SIGLEC11: variants seen among roughly 807,000 people sequenced by gnomAD.
SIGLEC11 encodes the protein sialic acid binding Ig like lectin 11.
Under a neutral mutation model 61.2 loss-of-function variants are expected in SIGLEC11, and 47 were observed. The observed-to-expected ratio is 0.77, with a 90% confidence interval of 0.61 to 0.98. The LOEUF (loss-of-function observed/expected upper bound fraction) is 0.98. Among genes scored for constraint, SIGLEC11 ranks in the 50% least tolerant of loss-of-function variants. SIGLEC11 has a pLI of 0.00. For synonymous variants in SIGLEC11, 278 were observed against 373.1 expected (o/e 0.75, Z 2.94); for missense variants, 610 against 870.3 (o/e 0.70, Z 3.76).
rs201076601 is a variant in SIGLEC11, at chr19:49,958,716, G to C, written c.1290C>G (p.His430Gln). The C allele has an allele frequency of 2.5e-6, 4 of 1,613,374 alleles. No homozygotes were observed. The highest frequency in any genetic ancestry group is 2.2e-5 in the East Asian group (1 of 44,884). The change falls in exon 7 of 11, where the codon CAC (histidine) becomes CAG (glutamine). Residue 430 changes from histidine (H) to glutamine (Q), a missense_variant. Coordinates refer to ENST00000447370, the MANE Select transcript of SIGLEC11 (RefSeq NM_052884.3). Reference sequence around the variant, plus strand: ...GAGCGTGGCAGGTGAACTCTCCTTCGTGCTCCATTTGAATGGGTGGCAGCT... The same window carrying C: ...GAGCGTGGCAGGTGAACTCTCCTTCCTGCTCCATTTGAATGGGTGGCAGCT... ...VLELPPIQMEHEGEFTCHAQH... is the reference protein window; with the variant it reads ...VLELPPIQMEQEGEFTCHAQH...
chr19:49,950,665 C>T (rs1198677788), intron 10 of SIGLEC11, among the ~76,000 whole-genome samples: 1 of 152,162 alleles, frequency 6.6e-6, no homozygotes, highest in Non-Finnish European at 1.5e-5. Context: ...CTGTGCCAGC[C>T]CCTGGATATT....
At position 49,954,200 on chromosome 19, in the gene SIGLEC11, T is replaced by G. The variant is rs528117059; in HGVS notation, c.1652-1806A>C. 3.0e-3 allele frequency among the ~76,000 whole-genome samples: 455 copies of G among 152,032 alleles called. 2 individuals carry two copies. The highest frequency in any genetic ancestry group is 9.6e-3 in the African/African-American group (397 of 41,442). ...AGCAGCTTCACCGACTGACACGAAG[T>G]TAAAAGAAAAACCCCAGAAAGAGCA... On this transcript the variant is annotated intron_variant, in intron 8 of 10. Coordinates refer to ENST00000447370, the MANE Select transcript of SIGLEC11 (RefSeq NM_052884.3).
intron 8 of SIGLEC11, among the ~76,000 whole-genome samples, chr19:49,956,844 T>C (rs1042783403): frequency 2.6e-5 from 4 of 151,882 alleles, no homozygotes; most frequent in Non-Finnish European, 4.4e-5. Flanking sequence ...AAGAATGTTA[T>C]CTATCAGAAC....
chr19:49,958,716 G>A lies in SIGLEC11; in HGVS notation c.1290C>T (p.His430=), dbSNP rs201076601. 51 of 1,613,492 alleles carry A rather than the reference G, an allele frequency of 3.2e-5. No individual in the cohort carries two copies. Among genetic ancestry groups the A allele is most frequent in the East Asian group, 6.7e-5 (3 of 44,872 alleles). The change falls in exon 7 of 11, where the codon CAC becomes CAT. Residue 430 remains histidine, a synonymous_variant. Coordinates refer to ENST00000447370, the MANE Select transcript of SIGLEC11 (RefSeq NM_052884.3). ...VLELPPIQME[H]EGEFTCHAQH... ...GAGCGTGGCAGGTGAACTCTCCTTC[G>A]TGCTCCATTTGAATGGGTGGCAGCT... is the stretch of plus-strand genomic sequence containing the variant.
In SIGLEC11 at chr19:49,950,050, T is replaced by A. The variant is rs774652463; in HGVS notation, c.2017A>T (p.Ile673Phe). The A allele has an allele frequency of 6.2e-7, 1 of 1,604,370 alleles. No individual in the cohort carries two copies. The highest frequency in any genetic ancestry group is 1.1e-5 in the South Asian group (1 of 90,128). Residue 673 changes from isoleucine (I) to phenylalanine (F), a missense_variant, in exon 11 of 11, where the codon ATC becomes TTC. Coordinates refer to ENST00000447370, the MANE Select transcript of SIGLEC11 (RefSeq NM_052884.3). ...PSTTEYSEIK[I>F]HTGQPLRGPG... Reference sequence around the variant, plus strand: ...CCCCTCAGGGGCTGTCCTGTGTGGATCTTGATCTCCGAGTACTCGGTGGTG... The same window carrying A: ...CCCCTCAGGGGCTGTCCTGTGTGGAACTTGATCTCCGAGTACTCGGTGGTG...
Position 49,959,064 on chromosome 19 carries a change from G to T in SIGLEC11, c.1071C>A (p.Asn357Lys). 1 of 1,613,848 alleles carries T rather than the reference G, an allele frequency of 6.2e-7. No individual in the cohort carries two copies. The highest frequency in any genetic ancestry group is 8.5e-7 in the Non-Finnish European group (1 of 1,179,820). ...TTGCTTGGGAAACCATCACTCTCAG[G>T]TTCTCTGGAGGATCTGAAATGGAGA... is the stretch of plus-strand genomic sequence containing the variant. ...LDLSVQYPPE[N>K]LRVMVSQANR... Residue 357 changes from asparagine to lysine, a missense_variant, in exon 6 of 11, where the codon AAC becomes AAA. Transcript: ENST00000447370.
rs747319499 is a variant in SIGLEC11, at chr19:49,958,913, G to A, written c.1106-13C>T. On this transcript the variant is annotated splice_polypyrimidine_tract_variant and intron_variant, in intron 6 of 10. Coordinates refer to ENST00000447370, the MANE Select transcript of SIGLEC11 (RefSeq NM_052884.3). Reference sequence around the variant, plus strand: ...AGGTTTTCCAGGACTAGGGAAGGAAGAGGCAGAATCGACGTGCAGCTCAGG... The same window carrying A: ...AGGTTTTCCAGGACTAGGGAAGGAAAAGGCAGAATCGACGTGCAGCTCAGG... 3.1e-6 allele frequency: 5 copies of A among 1,603,402 alleles called. No individual in the cohort carries two copies. The South Asian group carries it at 5.6e-5, about 18-fold the overall frequency.
In SIGLEC11 at chr19:49,955,693, G is replaced by C. The variant is rs1256728493; in HGVS notation, c.1651+2590C>G. ...CTCACACCTGTAATCCCAGCACTTT[G>C]GGAGGCCGAGGTGGACAGATCACAG... On this transcript the variant is annotated intron_variant, in intron 8 of 10. Transcript: ENST00000447370. The surrounding 1 kb of genome is among the most constrained non-coding windows in gnomAD (Gnocchi z 4.5). Among the ~76,000 whole-genome samples the C allele has an allele frequency of 6.6e-6, 1 of 152,036 alleles. No homozygotes were observed. Among genetic ancestry groups the C allele is most frequent in the Non-Finnish European group, 1.5e-5 (1 of 68,014 alleles).
chr19:49,957,874 C>T (rs2076208966), intron 8 of SIGLEC11, among the ~76,000 whole-genome samples: 1 of 152,038 alleles, frequency 6.6e-6, no homozygotes, highest in Non-Finnish European at 1.5e-5. Flanking sequence ...GCCTGTAATC[C>T]CAGCTACTCA....
rs769532691 is a variant in SIGLEC11 at position 49,952,333 on chromosome 19, G to C, written c.1713C>G (p.Ala571=). 1 of 1,611,750 alleles carries C rather than the reference G, an allele frequency of 6.2e-7. No homozygotes were observed. Among genetic ancestry groups the C allele is most frequent in the Non-Finnish European group, 8.5e-7 (1 of 1,179,976 alleles). ...CAAGGCAGGAACAGAAAGCGAGCAG[G>C]GCAGCGACGCCAGCTCCCAGGGCAG... ...LGAALGAGVA[A]LLAFCSCLVV... Residue 571 remains alanine (A), a synonymous_variant, in exon 9 of 11, where the codon GCC becomes GCG. Transcript: ENST00000447370.
Position 49,952,035 on chromosome 19 carries a change from C to A in SIGLEC11, c.1749-63G>T. On this transcript the variant is annotated intron_variant, in intron 9 of 10. Transcript: ENST00000447370. Reference sequence around the variant, plus strand: ...GTCCAGAGCCTGGGGAAACTGCTACCCACATGGCTTAGCAGAGGCTGGAAG... The same window carrying A: ...GTCCAGAGCCTGGGGAAACTGCTACACACATGGCTTAGCAGAGGCTGGAAG... 2.0e-6 allele frequency: 3 copies of A among 1,495,946 alleles called. No homozygotes were observed. The South Asian group carries it at 3.8e-5, about 19-fold the overall frequency. The allele number at this position is 1,495,946 out of a possible 1,614,324, so 92.7% of individuals were successfully genotyped here. A position where few individuals can be genotyped will look rare whatever the true frequency, so the allele number is the denominator to read the frequency against.
intron 8 of SIGLEC11, among the ~76,000 whole-genome samples, 169 bp from the exon 9 acceptor site, chr19:49,952,563 TA>T (rs1283796371): frequency 5.9e-5 from 9 of 152,140 alleles, no homozygotes; most frequent in African/African-American, 7.2e-5. Context: ...AGGAAAGGGT[TA>T]AAAAAAGAAC....
intron 8 of SIGLEC11, among the ~76,000 whole-genome samples, chr19:49,953,024 A>G (rs80271780): frequency 1.3e-5 from 2 of 152,186 alleles, no homozygotes; most frequent in Non-Finnish European, 2.9e-5. Flanking sequence ...TATCGGTCTC[A>G]CCAGTCCTCA....
In SIGLEC11 at chr19:49,958,840, A is replaced by AGGC; in HGVS notation, c.1163_1165dup (p.Arg388dup). On this transcript the variant is annotated inframe_insertion, in exon 7 of 11. Transcript: ENST00000447370. ...GGGGCTGCTGTGGGTGACACAGACC[A>AGGC]GGCGCAGGCTTTGGCCCTCCAGGAC... 6.2e-7 allele frequency: 1 copy of AGGC among 1,610,818 alleles called. No individual in the cohort carries two copies.
At position 49,959,419 on chromosome 19, in the gene SIGLEC11, G is replaced by A. The variant is rs1473079634; in HGVS notation, c.998C>T (p.Thr333Ile). The A allele has an allele frequency of 1.9e-6, 3 of 1,597,620 alleles. No individual in the cohort carries two copies. Among genetic ancestry groups the A allele is most frequent in the Middle Eastern group, 3.9e-4 (2 of 5,162 alleles). ...GCCAAGCCTGTTCTCCGCTCGGCAG[G>A]TGTAGCGCCCTGAATCCCCGGCCCT... is the stretch of plus-strand genomic sequence containing the variant. The part of the protein sequence containing the change: ...GVRAGDSGRY[T>I]CRAENRLGSQ... Residue 333 changes from threonine (T) to isoleucine (I), a missense_variant, in exon 5 of 11, where the codon ACC becomes ATC. Around this residue, in one of 6 missense-constraint regions of SIGLEC11, gnomAD observed 28 missense variants for 66.9 expected, o/e 0.42. Transcript: ENST00000447370.
intron 8 of SIGLEC11, 93 bp downstream of exon 8, chr19:49,958,190 C>A: frequency 6.4e-7 from 1 of 1,558,636 alleles, no homozygotes; most frequent in Non-Finnish European, 8.7e-7. Flanking sequence ...CTTCCCACCA[C>A]GCCCACACCC....
rs145621842 is a variant in SIGLEC11 at position 49,957,671 on chromosome 19, A to G, written c.1651+612T>C. On this transcript the variant is annotated intron_variant, in intron 8 of 10. Transcript: ENST00000447370. The stretch of plus-strand genomic sequence containing the variant: ...GCCACAAGTTATGCACTATATAATT[A>G]ACCGCTTTTGTTTTACTTTTGTAAG... Among the ~76,000 whole-genome samples, 380 of 152,348 alleles carry G rather than the reference A, an allele frequency of 2.5e-3. 3 individuals are homozygous for G. The highest frequency in any genetic ancestry group is 8.4e-3 in the African/African-American group (350 of 41,576).
In SIGLEC11 at chr19:49,958,449, C is replaced by T. The variant is rs2076214157; in HGVS notation, c.1485G>A (p.Glu495=). ...LRWWLGEELL[E]GNSSQGSFEV... Reference sequence around the variant, plus strand: ...CGAAGGAGCCCTGACTGCTGTTCCCCTCCAGCAGCTCCTCCCCAAGCCACC... The same window carrying T: ...CGAAGGAGCCCTGACTGCTGTTCCCTTCCAGCAGCTCCTCCCCAAGCCACC... Residue 495 remains glutamate, a synonymous_variant, in exon 8 of 11, where the codon GAG becomes GAA. Coordinates refer to ENST00000447370, the MANE Select transcript of SIGLEC11 (RefSeq NM_052884.3). 6.2e-7 allele frequency: 1 copy of T among 1,613,386 alleles called. No homozygotes were observed. The highest frequency in any genetic ancestry group is 1.3e-5 in the African/African-American group (1 of 75,048).
intron 8 of SIGLEC11, among the ~76,000 whole-genome samples, chr19:49,953,750 C>T (rs1260938969): frequency 3.3e-5 from 5 of 152,022 alleles, no homozygotes; most frequent in African/African-American, 1.2e-4. Flanking sequence ...CTGAAAACTC[C>T]CGTAATAGGA....
Sources: allele counts gnomAD v4.1 joint callset (sites outside exome capture counted in the v4.1 genomes callset), GRCh38; gene constraint gnomAD v4.1.1; regional missense constraint gnomAD v4.1.1; non-coding constraint Gnocchi (gnomAD v3.1); transcripts MANE v1.5; gene names NCBI Gene and HGNC (gene_info 2026-07-23, HGNC 2026-07-21).